Variants in ANO3 observed in about 807,000 individuals in gnomAD.
ANO3 encodes the protein anoctamin 3.
ANO3 carries 99 observed loss-of-function variants against 144.8 expected under a neutral mutation model. That is an observed-to-expected ratio of 0.68 (90% CI 0.58 to 0.81). ANO3 has a LOEUF of 0.81. ANO3 is among the 30% of genes least tolerant of loss of function. ANO3 has a pLI of 0.00. For missense variants in ANO3, 905 were observed against 1,202.2 expected (o/e 0.75, Z 3.66); for synonymous variants, 414 against 392.6 (o/e 1.05, Z -0.64).
chr11:26,267,891 T>G (rs1330576490), intron 1 of ANO3, among the ~76,000 whole-genome samples: 1 of 152,148 alleles, frequency 6.6e-6, no homozygotes, highest in East Asian at 1.9e-4. Context: ...TTCTGATATC[T>G]TGGCATGTAA....
At chr11:26,492,548 T>A (rs1860752368) in intron 4 of ANO3, among the ~76,000 whole-genome samples, 1 of 152,206 alleles carries the variant, frequency 6.6e-6, no homozygotes, top group Non-Finnish European at 1.5e-5. Flanking sequence ...TTTAATAAAG[T>A]ACTCTTATGT....
intron 5 of ANO3, among the ~76,000 whole-genome samples, chr11:26,510,812 C>T (rs1341707163): frequency 1.3e-5 from 2 of 152,142 alleles, no homozygotes; most frequent in East Asian, 3.9e-4. Flanking sequence ...CTTCCTCTTC[C>T]TTATTCCTCC....
At chr11:26,188,959 C>T (rs1851426171) in exon 1 of ANO3, among the ~76,000 whole-genome samples, 1 of 152,104 alleles carries the variant, frequency 6.6e-6, no homozygotes, top group South Asian at 2.1e-4. Context: ...ATTCATCCAT[C>T]CTATTGAAGT....
intron 14 of ANO3, among the ~76,000 whole-genome samples, chr11:26,587,965 A>T (rs1449124592): frequency 1.3e-5 from 2 of 151,946 alleles, no homozygotes; most frequent in African/African-American, 4.8e-5. Flanking sequence ...AAAGTACTTA[A>T]AAAGGTTCGG....
intron 1 of ANO3, among the ~76,000 whole-genome samples, chr11:26,239,041 T>A (rs1339546814): frequency 1.1e-5 from 1 of 92,042 alleles, no homozygotes; most frequent in Non-Finnish European, 2.9e-5. Flanking sequence ...ATAAATATAA[T>A]TTAATATTTA....
intron 1 of ANO3, among the ~76,000 whole-genome samples, chr11:26,410,022 A>T (rs1309861310): frequency 6.6e-6 from 1 of 151,974 alleles, no homozygotes; most frequent in African/African-American, 2.4e-5. Context: ...CAATACTTTC[A>T]TGAATACCTG....
chr11:26,379,065 A>G (rs894507232), intron 1 of ANO3, among the ~76,000 whole-genome samples: 1 of 151,880 alleles, frequency 6.6e-6, no homozygotes, highest in African/African-American at 2.4e-5. Context: ...TAGAATGTCC[A>G]TACAGAAAGC....
At chr11:26,638,189 CTT>C (rs1853027350) in intron 20 of ANO3, among the ~76,000 whole-genome samples, 1 of 152,076 alleles carries the variant, frequency 6.6e-6, no homozygotes, top group Admixed American at 6.6e-5. Context: ...ATGGGCTAGA[CTT>C]AGTGGCTCCC....
chr11:26,361,610 G>A (rs1162712996), intron 1 of ANO3, among the ~76,000 whole-genome samples: 2 of 152,124 alleles, frequency 1.3e-5, no homozygotes, highest in Non-Finnish European at 2.9e-5. Flanking sequence ...TCTTGTGTCA[G>A]CTGCCAACTT....
chr11:26,229,694 G>T (rs1388216087), intron 1 of ANO3, among the ~76,000 whole-genome samples: 1 of 151,456 alleles, frequency 6.6e-6, no homozygotes, highest in African/African-American at 2.4e-5. Context: ...TTCCTGGGTC[G>T]ACAGCACATG....
At chr11:26,581,688 CAAAAAAA>C (rs10612768) in intron 14 of ANO3, among the ~76,000 whole-genome samples, 3 of 84,736 alleles carry the variant, frequency 3.5e-5, no homozygotes, top group Admixed American at 1.3e-4. Context: ...GACTCTGTCT[CAAAAAAA>C]AAAAAAAAAA....
At chr11:26,382,074 T>G (rs1856603833) in intron 1 of ANO3, among the ~76,000 whole-genome samples, 2 of 152,312 alleles carry the variant, frequency 1.3e-5, no homozygotes, top group South Asian at 4.1e-4. Flanking sequence ...TAATTTATTA[T>G]GCATATGTAT....
intron 26 of ANO3, among the ~76,000 whole-genome samples, chr11:26,657,664 C>T (rs4923373): frequency 0.57 from 86,203 of 151,828 alleles, 25,921 homozygotes; most frequent in South Asian, 0.76. Flanking sequence ...TTTACTTGCA[C>T]ATGTGTTTGT....
intron 1 of ANO3, among the ~76,000 whole-genome samples, chr11:26,321,930 ATTC>A (rs1460122708): frequency 1.3e-5 from 2 of 152,026 alleles, no homozygotes; most frequent in South Asian, 2.1e-4. Flanking sequence ...TTCAGTGTTT[ATTC>A]TTCTTGCTTT....
intron 1 of ANO3, among the ~76,000 whole-genome samples, chr11:26,360,728 C>G (rs570179673): frequency 7.1e-4 from 108 of 152,288 alleles, no homozygotes; most frequent in Admixed American, 5.3e-3. Flanking sequence ...TTTCTCTGCT[C>G]TACTTTGTCA....
At chr11:26,200,031 C>G (rs1365667566) in intron 1 of ANO3, among the ~76,000 whole-genome samples, 1 of 152,036 alleles carries the variant, frequency 6.6e-6, no homozygotes, top group Non-Finnish European at 1.5e-5. Flanking sequence ...ACTTTCTGGG[C>G]TTGGAAAGAC....
chr11:26,571,495 C>T (rs924590677), intron 14 of ANO3, among the ~76,000 whole-genome samples: 2 of 152,038 alleles, frequency 1.3e-5, no homozygotes, highest in Non-Finnish European at 2.9e-5. Flanking sequence ...TACTGTACAA[C>T]AGTTTCCCAA....
chr11:26,301,498 G>C (rs889024351), intron 1 of ANO3, among the ~76,000 whole-genome samples: 5 of 152,138 alleles, frequency 3.3e-5, no homozygotes, highest in Admixed American at 3.3e-4. Context: ...TACTGTTTTA[G>C]GTTTCTTTGA....
chr11:26,566,953 T>C, intron 14 of ANO3: 1 of 1,102,992 alleles, frequency 9.1e-7, no homozygotes, highest in South Asian at 3.1e-5. Context: ...AGTAAACACT[T>C]AATAGATGCT....
Sources: gnomAD v4.1 joint callset for allele counts (sites outside exome capture counted in the v4.1 genomes callset) on GRCh38, gnomAD v4.1.1 for gene constraint, MANE v1.5 for transcripts, NCBI Gene and HGNC (gene_info 2026-07-23, HGNC 2026-07-21) for gene names.